BBS9: variants seen among roughly 807,000 people sequenced by gnomAD.
The protein encoded by BBS9 is protein PTHB1.
Under a neutral mutation model 117.7 loss-of-function variants are expected in BBS9, and 89 were observed. That is an observed-to-expected ratio of 0.76 (90% CI 0.64 to 0.90). The LOEUF (loss-of-function observed/expected upper bound fraction) is 0.90. BBS9 is among the 40% of genes least tolerant of loss of function. The probability of loss-of-function intolerance (pLI) is 0.00; values close to 1 mark genes in which losing one functional copy is unlikely to be tolerated. For missense variants in BBS9, 982 were observed against 1,042.2 expected (o/e 0.94, Z 0.80); for synonymous variants, 379 against 370.9 (o/e 1.02, Z -0.25).
At position 33,422,140 on chromosome 7, in the gene BBS9, A is replaced by G. The variant is rs1392268647; in HGVS notation, c.2115+33996A>G. Among the ~76,000 whole-genome samples, 5 of 152,190 alleles carry G rather than the reference A, an allele frequency of 3.3e-5. No homozygotes were observed. The East Asian group carries it at 7.7e-4, about 23-fold the overall frequency. On this transcript the variant is annotated intron_variant, in intron 19 of 22. Coordinates refer to ENST00000242067, the MANE Select transcript of BBS9 (RefSeq NM_198428.3). The stretch of plus-strand genomic sequence containing the variant: ...GCTTTTTCTTGTAAATATAAATTGT[A>G]TGTACGGTTATAGCTGCTATAGCTT...
intron 19 of BBS9, among the ~76,000 whole-genome samples, chr7:33,478,439 A>G (rs1842082616): frequency 6.6e-6 from 1 of 152,200 alleles, no homozygotes; most frequent in Non-Finnish European, 1.5e-5. Flanking sequence ...TGGAATTGGC[A>G]TGGCCATGGT....
At chr7:33,307,159 G>A (rs1391994274) in intron 9 of BBS9, among the ~76,000 whole-genome samples, 1 of 152,074 alleles carries the variant, frequency 6.6e-6, no homozygotes, top group Non-Finnish European at 1.5e-5. Context: ...GTATCACTTA[G>A]TTGTGTATAT....
rs1031733304 is a variant in BBS9, at chr7:33,492,349, T to A, written c.2116-13114T>A. On this transcript the variant is annotated intron_variant, in intron 19 of 22. Transcript: ENST00000242067. ...AAATACATTTTAAGTTGTATCTCAT[T>A]TAATCTTCAAGCCACGTAATTACTT... 2.0e-5 allele frequency among the ~76,000 whole-genome samples: 3 copies of A among 152,240 alleles called. No individual in the cohort carries two copies. In the East Asian group the frequency reaches 5.8e-4, roughly 29 times the overall value.
intron 19 of BBS9, among the ~76,000 whole-genome samples, chr7:33,474,313 A>C (rs972451518): frequency 6.6e-6 from 1 of 152,230 alleles, no homozygotes; most frequent in Non-Finnish European, 1.5e-5. Flanking sequence ...ACATACATAC[A>C]CTAAAACAGA....
At chr7:33,389,212 C>T (rs534844775) in intron 19 of BBS9, among the ~76,000 whole-genome samples, 4 of 150,842 alleles carry the variant, frequency 2.7e-5, no homozygotes, top group East Asian at 2.0e-4. Flanking sequence ...ACATTCTAGA[C>T]GCTTCACCAC....
intron 21 of BBS9, among the ~76,000 whole-genome samples, chr7:33,628,047 A>T (rs1288462248): frequency 6.6e-6 from 1 of 152,210 alleles, no homozygotes; most frequent in Non-Finnish European, 1.5e-5. Context: ...TGTAATTTAA[A>T]AACGTCTCAG....
At chr7:33,590,430 C>A (rs897874530) in intron 21 of BBS9, among the ~76,000 whole-genome samples, 4 of 112,830 alleles carry the variant, frequency 3.5e-5, no homozygotes, top group Non-Finnish European at 6.8e-5. Context: ...TTATTTCTTA[C>A]TGGCCACTGT....
Position 33,550,705 on chromosome 7 carries a change from TGGA to T in BBS9, c.2521+16530_2521+16532del, listed in dbSNP as rs1854280211. 2.0e-5 allele frequency among the ~76,000 whole-genome samples: 3 copies of T among 152,318 alleles called. No individual in the cohort carries two copies. In the South Asian group the frequency reaches 6.2e-4, roughly 32 times the overall value. On this transcript the variant is annotated intron_variant, in intron 21 of 22. Transcript: ENST00000242067. ...TAGTGTGTTTATTCCAATAAATTGT[TGGA>T]ATAGTCAAGTCCTGATTTATGTGTC...
intron 19 of BBS9, among the ~76,000 whole-genome samples, chr7:33,471,277 T>C (rs1840997131): frequency 1.3e-5 from 2 of 152,332 alleles, no homozygotes; most frequent in South Asian, 4.1e-4. Context: ...AATTGTTACC[T>C]ATTTGTTTGT....
intron 17 of BBS9, chr7:33,380,829 T>A (rs1824870614): frequency 6.6e-6 from 1 of 152,406 alleles, no homozygotes; most frequent in Non-Finnish European, 1.5e-5. Context: ...TTCTGGGAGA[T>A]CACAAAGCTG....
At chr7:33,301,667 C>T (rs926998821) in intron 9 of BBS9, among the ~76,000 whole-genome samples, 11 of 151,976 alleles carry the variant, frequency 7.2e-5, no homozygotes, top group East Asian at 1.9e-4. Context: ...TTTCTTTATC[C>T]GTTTTTCTGT....
intron 19 of BBS9, among the ~76,000 whole-genome samples, chr7:33,422,123 T>C (rs894863674): frequency 1.3e-5 from 2 of 152,196 alleles, no homozygotes; most frequent in Admixed American, 1.3e-4. Flanking sequence ...GTGCTTTTTC[T>C]TGTAAATATA....
chr7:33,337,544 A>T (rs545128228), intron 10 of BBS9, among the ~76,000 whole-genome samples: 1 of 152,200 alleles, frequency 6.6e-6, no homozygotes, highest in African/African-American at 2.4e-5. Flanking sequence ...ATATATTTTT[A>T]AAATACAAAT....
intron 5 of BBS9, among the ~76,000 whole-genome samples, chr7:33,197,234 C>A (rs1785093421): frequency 6.6e-6 from 1 of 152,096 alleles, no homozygotes; most frequent in Admixed American, 6.6e-5. Context: ...GATTTGACAA[C>A]CATTTTTGAT....
chr7:33,287,329 A>G (rs1285976641), intron 9 of BBS9, among the ~76,000 whole-genome samples: 4 of 152,166 alleles, frequency 2.6e-5, no homozygotes, highest in African/African-American at 7.2e-5. Context: ...CATTTTAAAA[A>G]CCTTAGTAAA....
chr7:33,538,633 A>G (rs555916278), intron 21 of BBS9, among the ~76,000 whole-genome samples: 2 of 152,306 alleles, frequency 1.3e-5, no homozygotes, highest in South Asian at 2.1e-4. Flanking sequence ...TATTGTCAGT[A>G]TGATTTAACT....
intron 9 of BBS9, among the ~76,000 whole-genome samples, chr7:33,294,358 T>TGTCC (rs1233591408): frequency 7.2e-6 from 1 of 139,000 alleles, no homozygotes; most frequent in African/African-American, 2.9e-5. Flanking sequence ...TCTATCTCTT[T>TGTCC]GTCCATCCAT....
intron 21 of BBS9, among the ~76,000 whole-genome samples, chr7:33,561,572 G>T (rs572162379): frequency 6.6e-6 from 1 of 152,288 alleles, no homozygotes; most frequent in African/African-American, 2.4e-5. Flanking sequence ...TGAGGAGGAA[G>T]ATGAGTCAGA....
At chr7:33,581,904 TCTTTTCTTATTTTC>T (rs761559054) in intron 21 of BBS9, among the ~76,000 whole-genome samples, 12 of 152,186 alleles carry the variant, frequency 7.9e-5, no homozygotes, top group Non-Finnish European at 1.0e-4. Context: ...TCTTTTTTTT[TCTTTTCTTATTTTC>T]CTTTTCTTAT....
Sources: allele counts gnomAD v4.1 joint callset (sites outside exome capture counted in the v4.1 genomes callset), GRCh38; gene constraint gnomAD v4.1.1; transcripts MANE v1.5; gene names NCBI Gene and HGNC (gene_info 2026-07-23, HGNC 2026-07-21).